The following TUB variants were observed in gnomAD, a reference collection of about 807,000 sequenced individuals.
TUB encodes the protein tubby protein homolog.
TUB carries 33 observed loss-of-function variants against 59.7 expected under a neutral mutation model. The ratio of observed to expected loss-of-function variants is 0.55; its 90% CI spans 0.42 to 0.74. The LOEUF is 0.74. Ranked by LOEUF, TUB falls within the 30% of genes least tolerant of loss-of-function variation. TUB has a pLI of 0.00. For synonymous variants in TUB, 293 were observed against 256.4 expected (o/e 1.14, Z -1.36); for missense variants, 659 against 672.0 (o/e 0.98, Z 0.21).
At chr11:8,035,828 C>G (rs141812632), upstream of TUB, 1 of 152,420 alleles carries the variant, frequency 6.6e-6, no homozygotes, top group Non-Finnish European at 1.5e-5. Context: ...TACCCACATT[C>G]CTCTAGGGGG....
At chr11:8,070,555 A>G (rs1408115128) in intron 2 of TUB, among the ~76,000 whole-genome samples, 3 of 152,186 alleles carry the variant, frequency 2.0e-5, no homozygotes, top group African/African-American at 7.2e-5. Context: ...TACAGTAATC[A>G]TGTGCAATAA....
In TUB at chr11:8,081,475, T is replaced by C. The variant is rs756483553; in HGVS notation, c.-36T>C. The C allele has an allele frequency of 1.6e-5, 23 of 1,475,280 alleles. No individual in the cohort carries two copies. The highest frequency in any genetic ancestry group is 2.4e-5 in the Admixed American group (1 of 41,512). The allele number at this position is 1,475,280 out of a possible 1,614,324, so 91.4% of individuals were successfully genotyped here. A position where few individuals can be genotyped will look rare whatever the true frequency, so the allele number is the denominator to read the frequency against. ...GCGCCGGCCCCTCCGGGCCCCGGCC[T>C]CCAGAGCCGCAGCCACCGCCCCGCC... On this transcript the variant is annotated 5_prime_UTR_variant, in exon 1 of 12. Transcript: ENST00000299506.
rs539885595 is a variant in TUB at position 8,063,086 on chromosome 11, C to A, written c.203+23394C>A. On this transcript the variant is annotated intron_variant, in intron 2 of 12. Coordinates refer to the TUB transcript ENST00000305253. ...TCACAGTGTCTGGGCCTGCTGAGGC[C>A]GGGGACCCTCACATCTGTCTCAGGG... Among the ~76,000 whole-genome samples, 12 of 152,254 alleles carry A rather than the reference C, an allele frequency of 7.9e-5. No individual in the cohort carries two copies. In the East Asian group the frequency reaches 2.3e-3, roughly 29 times the overall value.
At chr11:8,038,709 GGTGATGGTGGTTGTTAGTCTGACT>G in exon 1 of TUB, 1 of 1,475,446 alleles carries the variant, frequency 6.8e-7, no homozygotes, top group Non-Finnish European at 9.0e-7. Flanking sequence ...CTAATTAATG[GGTGATGGTGGTTGTTAGTCTGACT>G]GTTGCCACGG....
intron 2 of TUB, among the ~76,000 whole-genome samples, chr11:8,060,526 T>C (rs1336686430): frequency 6.6e-6 from 1 of 152,182 alleles, no homozygotes; most frequent in East Asian, 1.9e-4. Context: ...CCTCAGCTTC[T>C]TCATCTGAAA....
chr11:8,065,098 G>A lies in TUB; in HGVS notation c.204-24512G>A, dbSNP rs57752114. The stretch of plus-strand genomic sequence containing the variant: ...CTTGGAGGAGAATTGGTGGAAGCTG[G>A]CTGGGGGATCATCACTCCAGACTAC... On this transcript the variant is annotated intron_variant, in intron 2 of 12. Transcript: ENST00000305253. Among the ~76,000 whole-genome samples, 26 of 152,306 alleles carry A rather than the reference G, an allele frequency of 1.7e-4. No individual in the cohort carries two copies. In the East Asian group the frequency reaches 4.6e-3, roughly 27 times the overall value.
chr11:8,042,571 A>G lies in TUB; in HGVS notation c.203+2879A>G, dbSNP rs187503866. On this transcript the variant is annotated intron_variant, in intron 2 of 12. Coordinates refer to the TUB transcript ENST00000305253. ...TGCATTTTACATCCCCACCAGTAGT[A>G]TATGAGGGTCTCAGTTTTTTCATAT... is the stretch of plus-strand genomic sequence containing the variant. 3.5e-3 allele frequency among the ~76,000 whole-genome samples: 528 copies of G among 152,338 alleles called. 2 individuals carry two copies. Among genetic ancestry groups the G allele is most frequent in the African/African-American group, 0.012 (498 of 41,572 alleles).
rs1944461771 is a variant in TUB, at chr11:8,104,696, T to C, written c.*3077T>C. The C allele has an allele frequency of 6.6e-6, 1 of 152,206 alleles. No homozygotes were observed. Among genetic ancestry groups the C allele is most frequent in the Non-Finnish European group, 1.5e-5 (1 of 68,044 alleles). The allele number at this position is 152,206 out of a possible 1,614,324, so 9.4% of individuals were successfully genotyped here. A position where few individuals can be genotyped will look rare whatever the true frequency, so the allele number is the denominator to read the frequency against. On this transcript the variant is annotated 3_prime_UTR_variant, in exon 12 of 12. Coordinates refer to ENST00000299506, the MANE Select transcript of TUB (RefSeq NM_177972.3). ...TTAGCTTTTCAGTTCCCGCTCTGCATTGCCTGAAAAAACTGGTATGTTGCA... is the reference window on the plus strand; with the variant it reads ...TTAGCTTTTCAGTTCCCGCTCTGCACTGCCTGAAAAAACTGGTATGTTGCA...
chr11:8,059,044 T>C (rs1055771285), intron 2 of TUB, among the ~76,000 whole-genome samples: 1 of 152,324 alleles, frequency 6.6e-6, no homozygotes, highest in South Asian at 2.1e-4. Flanking sequence ...AGTCCCAACA[T>C]GTCTCCTTAC....
chr11:8,089,944 C>A, intron 2 of TUB, 125 bp from the exon 3 acceptor site: 1 of 1,370,660 alleles, frequency 7.3e-7, no homozygotes, highest in Non-Finnish European at 9.7e-7. Flanking sequence ...CTTTCCTGGA[C>A]CCCAAGTGTT....
chr11:8,101,128 G>A (rs1232488388), intron 11 of TUB, 131 bp downstream of exon 11: 10 of 1,132,044 alleles, frequency 8.8e-6, no homozygotes, highest in African/African-American at 1.5e-5. Flanking sequence ...AAGGTTAGAT[G>A]TATGGAACTT....
At chr11:8,092,845 C>T (rs1943825987) in intron 3 of TUB, among the ~76,000 whole-genome samples, 1 of 152,180 alleles carries the variant, frequency 6.6e-6, no homozygotes, top group African/African-American at 2.4e-5. Flanking sequence ...CTACTGGCTA[C>T]AGGCGTTAAA....
intron 2 of TUB, among the ~76,000 whole-genome samples, chr11:8,047,136 C>T (rs1942847603): frequency 6.6e-6 from 1 of 152,092 alleles, no homozygotes; most frequent in Non-Finnish European, 1.5e-5. Flanking sequence ...TCCTCTCCTG[C>T]CTCTCCCCAC....
At chr11:8,091,575 A>C (rs139295488) in intron 3 of TUB, among the ~76,000 whole-genome samples, 2 of 152,294 alleles carry the variant, frequency 1.3e-5, no homozygotes, top group South Asian at 4.1e-4. Context: ...ACAGACGCCA[A>C]ATGGTCTCTC....
chr11:8,078,740 G>C (rs528675416), upstream of TUB, among the ~76,000 whole-genome samples: 3 of 152,154 alleles, frequency 2.0e-5, no homozygotes, highest in East Asian at 5.8e-4. Context: ...TGCGTACACT[G>C]AAACAGTCCT....
chr11:8,073,901 G>GCAT (rs2133800600), intron 2 of TUB, among the ~76,000 whole-genome samples: 4 of 34,370 alleles, frequency 1.2e-4, no homozygotes, highest in Admixed American at 5.9e-4. Context: ...TAAAGAGCAG[G>GCAT]TAAAGAGCAG....
At position 8,052,589 on chromosome 11, in the gene TUB, C is replaced by T. The variant is rs376341677; in HGVS notation, c.203+12897C>T. On this transcript the variant is annotated intron_variant, in intron 2 of 12. Transcript: ENST00000305253. ...GGTTCATGCCATTCTCCTGCCTCAG[C>T]CTCTCATGTAGCCGGGACTACAGGT... is the stretch of plus-strand genomic sequence containing the variant. 2.0e-5 allele frequency among the ~76,000 whole-genome samples: 3 copies of T among 151,862 alleles called. No homozygotes were observed. The East Asian group carries it at 5.8e-4, about 30-fold the overall frequency.
At chr11:8,077,268 C>G (rs1234943050), upstream of TUB, 1 of 152,224 alleles carries the variant, frequency 6.6e-6, no homozygotes, top group Non-Finnish European at 1.5e-5. Context: ...ATCCTTAGAA[C>G]AGAGTCTATA....
intron 1 of TUB, among the ~76,000 whole-genome samples, chr11:8,033,176 C>A (rs539325465): frequency 1.3e-5 from 2 of 152,300 alleles, no homozygotes; most frequent in African/African-American, 4.8e-5. Context: ...TGGGGCCCAT[C>A]GTGCCCCACT....
Sources: gnomAD v4.1 joint callset for allele counts (sites outside exome capture counted in the v4.1 genomes callset) on GRCh38, gnomAD v4.1.1 for gene constraint, MANE v1.5 for transcripts, NCBI Gene and HGNC (gene_info 2026-07-23, HGNC 2026-07-21) for gene names.